SLC16A7: variants seen among roughly 807,000 people sequenced by gnomAD.
SLC16A7 encodes the protein monocarboxylate transporter 2.
Under a neutral mutation model 34.9 loss-of-function variants are expected in SLC16A7, and 33 were observed. The observed-to-expected ratio is 0.94, with a 90% CI of 0.72 to 1.26. The LOEUF (loss-of-function observed/expected upper bound fraction) is 1.26, where lower values mean the gene tolerates loss of function less well. Ranked by LOEUF, SLC16A7 falls within the 50% of genes most tolerant of loss-of-function variation. The pLI, the probability that SLC16A7 is intolerant of heterozygous loss-of-function variation, is 0.00. For missense variants in SLC16A7, 573 were observed against 578.1 expected (o/e 0.99, Z 0.09); for synonymous variants, 201 against 206.6 (o/e 0.97, Z 0.23).
intron 2 of SLC16A7, among the ~76,000 whole-genome samples, chr12:59,678,940 C>G (rs938055382): frequency 1.5e-4 from 23 of 152,178 alleles, no homozygotes; most frequent in African/African-American, 5.5e-4. Flanking sequence ...GCTGGCATGT[C>G]AGTGCTGCCC....
rs890139015 is a variant in SLC16A7 at position 59,761,374 on chromosome 12, G to A, written c.218-9845G>A. ...TAAGTTACATAAATGCTTTATTATT[G>A]GTAATGGCACATATAAAATCTCAAT... On this transcript the variant is annotated intron_variant, in intron 3 of 5. Coordinates refer to ENST00000547379, the MANE Select transcript of SLC16A7 (RefSeq NM_001270623.2). Among the ~76,000 whole-genome samples, 47 of 151,956 alleles carry A rather than the reference G, an allele frequency of 3.1e-4. 1 individual carries two copies. Among genetic ancestry groups the A allele is most frequent in the African/African-American group, 1.1e-3 (44 of 41,436 alleles).
chr12:59,650,503 G>A (rs1484981267), intron 1 of SLC16A7, among the ~76,000 whole-genome samples: 2 of 152,142 alleles, frequency 1.3e-5, no homozygotes, highest in East Asian at 3.9e-4. Flanking sequence ...TCTCCAAGCA[G>A]AGTATTTCCT....
chr12:59,775,873 C>G (rs1801085796), intron 5 of SLC16A7, among the ~76,000 whole-genome samples: 1 of 151,840 alleles, frequency 6.6e-6, no homozygotes, highest in African/African-American at 2.4e-5. Context: ...CTCAAAAGGT[C>G]AGAATCTATT....
In SLC16A7 at chr12:59,671,622, A is replaced by G. The variant is rs190553816; in HGVS notation, c.-31+16372A>G. Among the ~76,000 whole-genome samples the G allele has an allele frequency of 2.5e-3, 384 of 151,268 alleles. 3 individuals are homozygous for G. Among genetic ancestry groups the G allele is most frequent in the Middle Eastern group, 0.017 (5 of 290 alleles). On this transcript the variant is annotated intron_variant, in intron 2 of 5. Coordinates refer to ENST00000547379, the MANE Select transcript of SLC16A7 (RefSeq NM_001270623.2). ...AGTAGCTTCAATCAGTTTTTGTTGT[A>G]AAGTTCTGCCTGTGTCCCTTTGACT... is the stretch of plus-strand genomic sequence containing the variant.
chr12:59,781,364 T>A lies in SLC16A7; in HGVS notation c.*1685T>A, dbSNP rs902480711. 6.6e-6 allele frequency: 1 copy of A among 152,592 alleles called. No individual in the cohort carries two copies. Among genetic ancestry groups the A allele is most frequent in the Non-Finnish European group, 1.5e-5 (1 of 68,010 alleles). The allele number at this position is 152,592 out of a possible 1,614,324, so 9.5% of individuals were successfully genotyped here. A position where few individuals can be genotyped will look rare whatever the true frequency, so the allele number is the denominator to read the frequency against. ...GTCAAAGGGAATTAGCCATTTTTTT[T>A]ATTGTAATAAAGGCAGGTGCTATTT... On this transcript the variant is annotated 3_prime_UTR_variant, in exon 6 of 6. Coordinates refer to ENST00000547379, the MANE Select transcript of SLC16A7 (RefSeq NM_001270623.2).
intron 3 of SLC16A7, among the ~76,000 whole-genome samples, chr12:59,757,308 C>G (rs140129412): frequency 0.018 from 2,772 of 151,908 alleles, 73 homozygotes; most frequent in African/African-American, 0.062. Context: ...ATGTAGGTGA[C>G]GGGTTGATGG....
At chr12:59,663,012 G>C (rs563036834) in intron 2 of SLC16A7, among the ~76,000 whole-genome samples, 6 of 152,134 alleles carry the variant, frequency 3.9e-5, no homozygotes, top group African/African-American at 1.4e-4. Context: ...AGACGTAACA[G>C]ACCATGGTTT....
In SLC16A7 at chr12:59,727,151, CATAT is replaced by C. The variant is rs61274058; in HGVS notation, c.217+22149_217+22152del. Reference sequence around the variant, plus strand: ...AAGATCATTAAAAATATGAGATGGACATATATATATATATATATAATATATATAT... The same window carrying C: ...AAGATCATTAAAAATATGAGATGGACATATATATATATATAATATATATAT... On this transcript the variant is annotated intron_variant, in intron 3 of 5. Coordinates refer to ENST00000547379, the MANE Select transcript of SLC16A7 (RefSeq NM_001270623.2). Among the ~76,000 whole-genome samples, 39 of 141,970 alleles carry C rather than the reference CATAT, an allele frequency of 2.7e-4. No homozygotes were observed. In the South Asian group the frequency reaches 6.3e-3, roughly 23 times the overall value. The allele number at this position is 141,970 out of a possible 152,430, so 93.1% of individuals were successfully genotyped here.
chr12:59,600,985 A>T, intron 1 of SLC16A7, among the ~76,000 whole-genome samples: 1 of 152,222 alleles, frequency 6.6e-6, no homozygotes, highest in Non-Finnish European at 1.5e-5. Flanking sequence ...GTTAAGTTCC[A>T]CAAAAATGTC....
At chr12:59,606,550 A>G (rs907769809) in intron 1 of SLC16A7, among the ~76,000 whole-genome samples, 1 of 152,174 alleles carries the variant, frequency 6.6e-6, no homozygotes, top group African/African-American at 2.4e-5. Context: ...AAGATAGATT[A>G]TATTCATTTA....
At chr12:59,642,293 T>C (rs1880719454) in intron 1 of SLC16A7, among the ~76,000 whole-genome samples, 1 of 152,040 alleles carries the variant, frequency 6.6e-6, no homozygotes. Flanking sequence ...TTAAGAATTA[T>C]TCTAACCATT....
intron 1 of SLC16A7, among the ~76,000 whole-genome samples, chr12:59,648,118 A>G (rs1868280064): frequency 6.6e-6 from 1 of 152,142 alleles, no homozygotes. Context: ...GAGGATATTT[A>G]GGGAACTTAA....
chr12:59,757,514 A>G (rs1880522553), intron 3 of SLC16A7, among the ~76,000 whole-genome samples: 1 of 152,204 alleles, frequency 6.6e-6, no homozygotes, highest in Non-Finnish European at 1.5e-5. Flanking sequence ...GCACTCTTCT[A>G]TGATACAGGC....
In SLC16A7 at chr12:59,788,431, A is replaced by C. The variant is rs1883769719; in HGVS notation, c.*8752A>C. 6.6e-6 allele frequency: 1 copy of C among 152,118 alleles called. No individual in the cohort carries two copies. The highest frequency in any genetic ancestry group is 6.6e-5 in the Admixed American group (1 of 15,260). 9.4% of individuals were successfully genotyped at this position (152,118 alleles called of 1,614,324 possible). On this transcript the variant is annotated 3_prime_UTR_variant, in exon 6 of 6. Transcript: ENST00000547379. The stretch of plus-strand genomic sequence containing the variant: ...CTTAATGACCACTGAACAAATGATC[A>C]TATTGCCACATGGTCTATCAACTAT...
Position 59,713,365 on chromosome 12 carries a change from C to T in SLC16A7, c.217+8347C>T, listed in dbSNP as rs544633811. 2.2e-4 allele frequency among the ~76,000 whole-genome samples: 34 copies of T among 152,228 alleles called. No individual in the cohort carries two copies. In the South Asian group the frequency reaches 6.0e-3, roughly 27 times the overall value. On this transcript the variant is annotated intron_variant, in intron 3 of 5. Coordinates refer to ENST00000547379, the MANE Select transcript of SLC16A7 (RefSeq NM_001270623.2). ...GGACCTTTCCTACTCTTTCCCAGCT[C>T]TTCCTCAACAACATATTAGGATTGA...
intron 2 of SLC16A7, among the ~76,000 whole-genome samples, chr12:59,683,128 A>G (rs1422777976): frequency 6.6e-6 from 1 of 152,206 alleles, no homozygotes; most frequent in Non-Finnish European, 1.5e-5. Flanking sequence ...TAAATATAAC[A>G]TTTAACAGAA....
chr12:59,609,474 C>G (rs1879094001), intron 1 of SLC16A7, among the ~76,000 whole-genome samples: 1 of 147,588 alleles, frequency 6.8e-6, no homozygotes, highest in African/African-American at 2.5e-5. Flanking sequence ...TCATTCTGTG[C>G]TTTGGGAGAC....
At chr12:59,714,943 A>T (rs1285592632) in intron 3 of SLC16A7, among the ~76,000 whole-genome samples, 1 of 152,144 alleles carries the variant, frequency 6.6e-6, no homozygotes, top group East Asian at 1.9e-4. Flanking sequence ...ATTTAACCTT[A>T]ATTACCTCCT....
intron 2 of SLC16A7, among the ~76,000 whole-genome samples, chr12:59,702,544 C>T (rs969598216): frequency 4.6e-5 from 7 of 151,922 alleles, no homozygotes; most frequent in African/African-American, 1.7e-4. Flanking sequence ...GGCTTTGCCC[C>T]AATTACTGTG....
Sources: gnomAD v4.1 joint callset for allele counts (sites outside exome capture counted in the v4.1 genomes callset) on GRCh38, gnomAD v4.1.1 for gene constraint, MANE v1.5 for transcripts, NCBI Gene and HGNC (gene_info 2026-07-23, HGNC 2026-07-21) for gene names.